The following NRXN1 variants were observed in gnomAD, a reference collection of about 807,000 sequenced individuals.
NRXN1 encodes the protein neurexin-1.
NRXN1 carries 39 observed loss-of-function variants against 150.9 expected under a neutral mutation model. That is an observed-to-expected ratio of 0.26 (90% CI 0.20 to 0.34). The LOEUF (loss-of-function observed/expected upper bound fraction) is 0.34. Among genes scored for constraint, NRXN1 ranks in the 10% least tolerant of loss-of-function variants. The pLI, the probability that NRXN1 is intolerant of heterozygous loss-of-function variation, is 1.00. For missense variants in NRXN1, 1,815 were observed against 1,949.9 expected (o/e 0.93, Z 1.30); for synonymous variants, 924 against 757.0 (o/e 1.22, Z -3.62).
intron 17 of NRXN1, among the ~76,000 whole-genome samples, chr2:50,358,908 C>A (rs897232142): frequency 4.6e-5 from 7 of 152,228 alleles, no homozygotes; most frequent in Non-Finnish European, 8.8e-5. Flanking sequence ...CTTTACTGTT[C>A]CACAGCCTCC....
intron 18 of NRXN1, among the ~76,000 whole-genome samples, chr2:50,108,214 C>T (rs954658864): frequency 1.3e-5 from 2 of 152,018 alleles, no homozygotes; most frequent in Non-Finnish European, 2.9e-5. Flanking sequence ...AAAATTAGAA[C>T]TTCCTTATAC....
chr2:50,914,681 C>T lies in NRXN1; in HGVS notation c.832+7188G>A, dbSNP rs1299650828. Among the ~76,000 whole-genome samples the T allele has an allele frequency of 2.0e-5, 3 of 151,620 alleles. No individual in the cohort carries two copies. In the South Asian group the frequency reaches 6.2e-4, roughly 31 times the overall value. ...AGGCCACTTGACCCACAATACGATA[C>T]AAAAACTTTTTTGTTTTCGTTGACT... On this transcript the variant is annotated intron_variant, in intron 5 of 22. Coordinates refer to ENST00000401669, the MANE Select transcript of NRXN1 (RefSeq NM_001330078.2).
At chr2:50,025,956 G>T (rs1413448477) in intron 21 of NRXN1, among the ~76,000 whole-genome samples, 4 of 152,216 alleles carry the variant, frequency 2.6e-5, no homozygotes, top group Non-Finnish European at 4.4e-5. Flanking sequence ...CAACTGGGAA[G>T]ATTTTATAAT....
At chr2:49,997,456 T>C (rs1455590675) in intron 21 of NRXN1, among the ~76,000 whole-genome samples, 1 of 152,136 alleles carries the variant, frequency 6.6e-6, no homozygotes, top group African/African-American at 2.4e-5. Flanking sequence ...CTACTGGAGA[T>C]GAATTCACGA....
intron 17 of NRXN1, among the ~76,000 whole-genome samples, chr2:50,436,292 A>G (rs905612364): frequency 1.3e-5 from 2 of 152,132 alleles, no homozygotes; most frequent in Admixed American, 6.5e-5. Context: ...CGTCTCTACT[A>G]AAAATACAAA....
At chr2:50,709,586 A>G (rs1242941413) in intron 5 of NRXN1, among the ~76,000 whole-genome samples, 2 of 152,090 alleles carry the variant, frequency 1.3e-5, no homozygotes, top group African/African-American at 4.8e-5. Context: ...ACAGGCACCA[A>G]GAAGGATTTG....
chr2:50,298,625 A>G (rs541853465), intron 17 of NRXN1, among the ~76,000 whole-genome samples: 10 of 152,208 alleles, frequency 6.6e-5, no homozygotes, highest in African/African-American at 2.4e-4. Context: ...CCCAAGAGGG[A>G]GATTCTCTCT....
At chr2:50,671,236 T>C (rs964555538) in intron 5 of NRXN1, among the ~76,000 whole-genome samples, 4 of 151,806 alleles carry the variant, frequency 2.6e-5, no homozygotes, top group Non-Finnish European at 4.4e-5. Flanking sequence ...CAAGTTGCTA[T>C]AGAAACCAAG....
At chr2:50,276,335 G>A (rs1329009007) in intron 17 of NRXN1, among the ~76,000 whole-genome samples, 2 of 152,162 alleles carry the variant, frequency 1.3e-5, no homozygotes, top group Non-Finnish European at 2.9e-5. Context: ...CGGAAAGTAT[G>A]AGATGAACAT....
chr2:50,741,975 G>A (rs555974081), intron 5 of NRXN1, among the ~76,000 whole-genome samples: 6 of 152,078 alleles, frequency 3.9e-5, no homozygotes, highest in South Asian at 4.2e-4. Flanking sequence ...AACAATATTC[G>A]CTTTAATAAG....
chr2:49,988,598 G>C (rs1681364186), intron 21 of NRXN1, among the ~76,000 whole-genome samples: 1 of 142,470 alleles, frequency 7.0e-6, no homozygotes. Context: ...AACTAATTTT[G>C]GTCTTGACAC....
chr2:50,559,360 CTTAT>C (rs948409462), intron 8 of NRXN1, among the ~76,000 whole-genome samples: 1 of 152,164 alleles, frequency 6.6e-6, no homozygotes, highest in Non-Finnish European at 1.5e-5. Flanking sequence ...CCAACATTAA[CTTAT>C]TTATTATTTT....
chr2:50,818,765 A>T (rs1234141552), intron 5 of NRXN1, among the ~76,000 whole-genome samples: 1 of 152,140 alleles, frequency 6.6e-6, no homozygotes, highest in Admixed American at 6.6e-5. Flanking sequence ...TGCAAACCAT[A>T]TATCTTATAA....
intron 17 of NRXN1, among the ~76,000 whole-genome samples, chr2:50,326,414 G>A (rs1458182762): frequency 6.6e-6 from 1 of 152,116 alleles, no homozygotes; most frequent in Non-Finnish European, 1.5e-5. Context: ...CCATGTAAAA[G>A]TAGAAAGTAC....
At chr2:49,948,387 G>GA (rs1322547591) in intron 21 of NRXN1, among the ~76,000 whole-genome samples, 3 of 152,000 alleles carry the variant, frequency 2.0e-5, no homozygotes, top group Non-Finnish European at 2.9e-5. Context: ...TCTTACAGTA[G>GA]AAAAAAATAA....
At chr2:51,029,763 A>G (rs1331320553) in intron 1 of NRXN1, among the ~76,000 whole-genome samples, 1 of 152,212 alleles carries the variant, frequency 6.6e-6, no homozygotes, top group Middle Eastern at 3.2e-3. Flanking sequence ...CTTTATATTA[A>G]TGAATAATCT....
intron 2 of NRXN1, among the ~76,000 whole-genome samples, chr2:50,992,596 A>G (rs1475758637): frequency 6.6e-6 from 1 of 152,002 alleles, no homozygotes. Flanking sequence ...GAAATCAGGG[A>G]GGGCCTTTTG....
chr2:50,286,825 T>G (rs1426124163), intron 17 of NRXN1, among the ~76,000 whole-genome samples: 1 of 152,118 alleles, frequency 6.6e-6, no homozygotes, highest in Non-Finnish European at 1.5e-5. Context: ...AAATTAGAAT[T>G]TGCAATTAAG....
rs893601197 is a variant in NRXN1 at position 50,382,013 on chromosome 2, G to A, written c.3364+83429C>T. 4.6e-5 allele frequency among the ~76,000 whole-genome samples: 7 copies of A among 152,262 alleles called. No homozygotes were observed. In the South Asian group the frequency reaches 1.0e-3, roughly 23 times the overall value. On this transcript the variant is annotated intron_variant, in intron 17 of 22. Transcript: ENST00000401669. The stretch of plus-strand genomic sequence containing the variant: ...CTGACCAACCAGGACTGGGCTTGAG[G>A]TAGTTTCTGAAGAGGGATTCTGCAA...
Sources: gnomAD v4.1 joint callset for allele counts (sites outside exome capture counted in the v4.1 genomes callset) on GRCh38, gnomAD v4.1.1 for gene constraint, MANE v1.5 for transcripts, NCBI Gene and HGNC (gene_info 2026-07-23, HGNC 2026-07-21) for gene names.